The following DNAJC1 variants were observed in gnomAD, a reference collection of about 807,000 sequenced individuals.
DNAJC1 encodes the protein dnaJ homolog subfamily C member 1.
A neutral mutation model predicts 76.6 loss-of-function variants in DNAJC1; 58 were observed. That is an observed-to-expected ratio of 0.76 (90% CI 0.61 to 0.94). The LOEUF (loss-of-function observed/expected upper bound fraction) is 0.94. Ranked by LOEUF, DNAJC1 falls within the 40% of genes least tolerant of loss-of-function variation. DNAJC1 has a pLI of 0.00. For missense variants in DNAJC1, 689 were observed against 677.3 expected (o/e 1.02, Z -0.19); for synonymous variants, 258 against 267.9 (o/e 0.96, Z 0.36).
intron 1 of DNAJC1, among the ~76,000 whole-genome samples, chr10:21,942,741 A>G (rs2941732): frequency 0.71 from 105,180 of 149,048 alleles, 37,431 homozygotes; most frequent in East Asian, 0.98. Context: ...GGGAGGCGGA[A>G]CTTGTAGTGA....
At chr10:21,938,298 T>G (rs942580646) in intron 1 of DNAJC1, among the ~76,000 whole-genome samples, 1 of 151,576 alleles carries the variant, frequency 6.6e-6, no homozygotes, top group Admixed American at 6.6e-5. Flanking sequence ...AAACGTAGGA[T>G]GTGGTAAAAG....
chr10:21,866,033 A>C (rs896012570), intron 8 of DNAJC1: 4 of 151,658 alleles, frequency 2.6e-5, no homozygotes, highest in Admixed American at 1.3e-4. Flanking sequence ...TACTCGAGAG[A>C]ATGAGGCAGG....
At chr10:21,825,493 C>T (rs1835232623) in intron 8 of DNAJC1, among the ~76,000 whole-genome samples, 1 of 152,156 alleles carries the variant, frequency 6.6e-6, no homozygotes, top group South Asian at 2.1e-4. Flanking sequence ...CTGAACATGG[C>T]TGTAAGTGTT....
chr10:21,841,409 A>C (rs1363137527), intron 8 of DNAJC1, among the ~76,000 whole-genome samples: 2 of 152,234 alleles, frequency 1.3e-5, no homozygotes, highest in East Asian at 3.8e-4. Context: ...TTACAAGAAA[A>C]AAACAAACAA....
chr10:21,973,911 T>TG (rs1410878227), intron 1 of DNAJC1, among the ~76,000 whole-genome samples: 1 of 151,820 alleles, frequency 6.6e-6, no homozygotes, highest in Non-Finnish European at 1.5e-5. Context: ...GAGACCAGAC[T>TG]GGGCAACATG....
chr10:21,999,109 A>C (rs1259241052), intron 1 of DNAJC1, among the ~76,000 whole-genome samples: 1 of 152,202 alleles, frequency 6.6e-6, no homozygotes, highest in Non-Finnish European at 1.5e-5. Flanking sequence ...TCTGCCTTCT[A>C]GTTTAGGATA....
intron 1 of DNAJC1, among the ~76,000 whole-genome samples, chr10:21,949,650 C>T (rs1162758449): frequency 6.6e-6 from 1 of 151,880 alleles, no homozygotes; most frequent in African/African-American, 2.4e-5. Flanking sequence ...CTCTTGACCT[C>T]AAGTGATCTG....
chr10:21,920,951 A>C lies in DNAJC1; in HGVS notation c.384T>G (p.Ile128Met). ...GCCAATCTGGAAGTCCATTGATCAG[A>C]ATATCATCATACCTACAGTACAAAT... The part of the protein sequence containing the change: ...DDERRQRYDD[I>M]LINGLPDWRQ... The change falls in exon 4 of 12, where the codon ATT (isoleucine) becomes ATG (methionine). Residue 128 changes from isoleucine (I) to methionine (M), a missense_variant. Transcript: ENST00000376980. 1 of 1,609,024 alleles carries C rather than the reference A, an allele frequency of 6.2e-7. No homozygotes were observed. Among genetic ancestry groups the C allele is most frequent in the Non-Finnish European group, 8.5e-7 (1 of 1,177,276 alleles).
chr10:21,836,662 G>A (rs532336625), intron 8 of DNAJC1, among the ~76,000 whole-genome samples: 4 of 152,176 alleles, frequency 2.6e-5, no homozygotes, highest in Admixed American at 1.3e-4. Flanking sequence ...AACAAAAAAA[G>A]GCAGGGGTTG....
intron 6 of DNAJC1, among the ~76,000 whole-genome samples, chr10:21,915,085 T>C (rs1285678846): frequency 6.6e-6 from 1 of 152,250 alleles, no homozygotes; most frequent in Non-Finnish European, 1.5e-5. Flanking sequence ...TTTAATATCT[T>C]TTTATTGAAC....
At chr10:22,003,046 C>T (rs188524137) in intron 1 of DNAJC1, among the ~76,000 whole-genome samples, 167 bp downstream of exon 1, 31 of 152,226 alleles carry the variant, frequency 2.0e-4, no homozygotes, top group African/African-American at 6.3e-4. Flanking sequence ...CTGGGGAAGA[C>T]GGACACGTCC....
At chr10:21,849,158 T>C (rs1257531468) in intron 8 of DNAJC1, among the ~76,000 whole-genome samples, 2 of 151,608 alleles carry the variant, frequency 1.3e-5, no homozygotes, top group Admixed American at 1.3e-4. Flanking sequence ...CCAGGCATGG[T>C]GGCACGCACC....
chr10:21,786,040 A>G (rs1834602425), intron 9 of DNAJC1, among the ~76,000 whole-genome samples: 1 of 152,132 alleles, frequency 6.6e-6, no homozygotes, highest in African/African-American at 2.4e-5. Context: ...GGACGAGTAG[A>G]TTCTTTTTGA....
At chr10:21,815,557 G>T (rs1025870127) in intron 8 of DNAJC1, among the ~76,000 whole-genome samples, 1 of 152,080 alleles carries the variant, frequency 6.6e-6, no homozygotes, top group African/African-American at 2.4e-5. Flanking sequence ...TCCATATATA[G>T]CATGAAACAA....
chr10:21,860,123 G>A (rs1178232458), intron 8 of DNAJC1, among the ~76,000 whole-genome samples: 1 of 150,282 alleles, frequency 6.7e-6, no homozygotes, highest in African/African-American at 2.5e-5. Flanking sequence ...AGGGTAACTA[G>A]GACATACATT....
At chr10:21,866,198 A>G (rs1835999547) in intron 8 of DNAJC1, among the ~76,000 whole-genome samples, 1 of 151,560 alleles carries the variant, frequency 6.6e-6, no homozygotes, top group Admixed American at 6.6e-5. Context: ...TAAAAAACCC[A>G]AACAGTAATA....
chr10:21,985,459 G>A (rs1564845398), intron 1 of DNAJC1, among the ~76,000 whole-genome samples: 1 of 152,114 alleles, frequency 6.6e-6, no homozygotes, highest in African/African-American at 2.4e-5. Context: ...ATGTTGGCCA[G>A]GCTGATCCCG....
chr10:21,809,040 A>G (rs1485030362), intron 8 of DNAJC1, among the ~76,000 whole-genome samples: 1 of 152,240 alleles, frequency 6.6e-6, no homozygotes, highest in East Asian at 1.9e-4. Flanking sequence ...CTTAAATTAT[A>G]TTCCCAAATC....
At chr10:21,765,714 G>A (rs1181390677) in intron 10 of DNAJC1, among the ~76,000 whole-genome samples, 4 of 152,052 alleles carry the variant, frequency 2.6e-5, no homozygotes, top group Admixed American at 6.6e-5. Flanking sequence ...GTGCAGTGGC[G>A]GGCGCCCGTA....
Sources: allele counts gnomAD v4.1 joint callset (sites outside exome capture counted in the v4.1 genomes callset), GRCh38; gene constraint gnomAD v4.1.1; transcripts MANE v1.5; gene names NCBI Gene and HGNC (gene_info 2026-07-23, HGNC 2026-07-21).